MTMR11: variants seen among roughly 807,000 people sequenced by gnomAD.
MTMR11 encodes myotubularin-related protein 11.
Under a neutral mutation model 100.0 loss-of-function variants are expected in MTMR11, and 89 were observed. That is an observed-to-expected ratio of 0.89 (90% CI 0.75 to 1.06). MTMR11 has a LOEUF of 1.06. MTMR11 is among the 50% of genes least tolerant of loss of function. MTMR11 has a pLI of 0.00. For synonymous variants in MTMR11, 336 were observed against 326.3 expected, an observed-to-expected ratio of 1.03 and a Z score of -0.32; for missense variants, 809 against 873.7, an observed-to-expected ratio of 0.93 and a Z score of 0.93.
Position 149,936,593 on chromosome 1 carries a change from G to A in MTMR11, c.55C>T (p.Pro19Ser). 6.5e-7 allele frequency: 1 copy of A among 1,534,958 alleles called. No homozygotes were observed. Among genetic ancestry groups the A allele is most frequent in the Non-Finnish European group, 8.8e-7 (1 of 1,133,632 alleles). The change falls in exon 1 of 17, where the codon CCA becomes TCA. Residue 19 changes from proline to serine, a missense_variant. Pro to Ser is a moderately conservative substitution (Grantham distance 74). Transcript: ENST00000439741. ...SFNIAPQKEEPEMGSVQENRM... is the reference protein window; with the variant it reads ...SFNIAPQKEESEMGSVQENRM... Reference sequence around the variant, plus strand: ...TTCCTTCTCCTTACCCCCATCTCTGGCTCCTCCTTCTGGGGGGCAATGTTG... The same window carrying A: ...TTCCTTCTCCTTACCCCCATCTCTGACTCCTCCTTCTGGGGGGCAATGTTG...
At position 149,928,897 on chromosome 1, in the gene MTMR11, T is replaced by A. The variant is rs782254870; in HGVS notation, c.*232A>T. On this transcript the variant is annotated 3_prime_UTR_variant, in exon 17 of 17. Coordinates refer to ENST00000439741, the MANE Select transcript of MTMR11 (RefSeq NM_001145862.2). ...ATCTGGTTATCCAGAAGGGATGGGA[T>A]TGGCCTAAAAAAACCGATCAATTTC... 4 of 1,614,148 alleles carry A rather than the reference T, an allele frequency of 2.5e-6. No individual in the cohort carries two copies. Among genetic ancestry groups the A allele is most frequent in the Non-Finnish European group, 3.4e-6 (4 of 1,180,008 alleles).
intron 10 of MTMR11, among the ~76,000 whole-genome samples, chr1:149,933,056 T>C (rs988902570): frequency 1 from 151,298 of 151,302 alleles, 75,647 homozygotes; most frequent in Non-Finnish European, 1. Context: ...AAGCGATTCT[T>C]GTGCCTCAGC....
chr1:149,933,747 A>G, intron 8 of MTMR11, 49 bp from the exon 9 acceptor site: 1 of 1,611,944 alleles, frequency 6.2e-7, no homozygotes, highest in South Asian at 1.1e-5. Flanking sequence ...GCCTAGCTCC[A>G]CGCTACCCTT....
rs183984411 is a variant in MTMR11 at position 149,931,462 on chromosome 1, G to C, written c.1124-36C>G. The C allele has an allele frequency of 1.1e-4, 164 of 1,539,382 alleles. No homozygotes were observed. In the African/African-American group the frequency reaches 2.0e-3, roughly 19 times the overall value. On this transcript the variant is annotated intron_variant, in intron 12 of 16. Coordinates refer to ENST00000439741, the MANE Select transcript of MTMR11 (RefSeq NM_001145862.2). ...AAGAGGAAGAAGGGACAAAGAAGAG[G>C]GGTCCAAGAAACTAGGGCAGAAGAG...
In MTMR11 at chr1:149,936,606, G is replaced by C. The variant is rs2092725970; in HGVS notation, c.42C>G (p.Pro14=). The change falls in exon 1 of 17, where the codon CCC becomes CCG. Residue 14 remains proline (P), a synonymous_variant. Coordinates refer to ENST00000439741, the MANE Select transcript of MTMR11 (RefSeq NM_001145862.2). ...CCCCCATCTCTGGCTCCTCCTTCTGGGGGGCAATGTTGAAACTCTGGCCCC... is the reference window on the plus strand; with the variant it reads ...CCCCCATCTCTGGCTCCTCCTTCTGCGGGGCAATGTTGAAACTCTGGCCCC... ...GGRGQSFNIA[P]QKEEPEMGSV... 1.9e-6 allele frequency: 3 copies of C among 1,541,566 alleles called. No homozygotes were observed. Among genetic ancestry groups the C allele is most frequent in the Non-Finnish European group, 2.6e-6 (3 of 1,139,032 alleles).
intron 10 of MTMR11, 128 bp downstream of exon 10, chr1:149,933,278 G>T (rs1357112737): frequency 1.5e-6 from 2 of 1,313,108 alleles, no homozygotes; most frequent in Non-Finnish European, 2.1e-6. Flanking sequence ...CAAGAAAAAA[G>T]AAAAGAAAAG....
In MTMR11 at chr1:149,929,967, T is replaced by A. The variant is rs143139919; in HGVS notation, c.1648-51A>T. On this transcript the variant is annotated intron_variant, in intron 15 of 16. Transcript: ENST00000439741. ...CAACAGAGAGACCAGATAACCCTAG[T>A]TTCCCCAATCTGGATCAGGACAGGG... 3.4e-4 allele frequency: 534 copies of A among 1,558,582 alleles called. 8 individuals are homozygous for A. The East Asian group carries it at 9.4e-3, about 28-fold the overall frequency.
intron 10 of MTMR11, among the ~76,000 whole-genome samples, chr1:149,933,144 C>T (rs887821477): frequency 1.1e-4 from 16 of 151,758 alleles, no homozygotes; most frequent in Non-Finnish European, 1.8e-4. Flanking sequence ...TTAGTAGAAA[C>T]GGGGTTTCAC....
rs781912886 is a variant in MTMR11 at position 149,929,262 on chromosome 1, T to C, written c.1997A>G (p.Gln666Arg). ...TGGTGTCCATTTCCGTAATAACTCC[T>C]GAAGATGGGATAGCTCATCCTGGAG... ...SGLQDELSHL[Q>R]ELLRKWTPRI... The change falls in exon 17 of 17, where the codon CAG becomes CGG. Residue 666 changes from glutamine to arginine, a missense_variant. Transcript: ENST00000439741. The C allele has an allele frequency of 5.0e-6, 8 of 1,614,164 alleles. No individual in the cohort carries two copies. The East Asian group carries it at 1.8e-4, about 36-fold the overall frequency.
rs1280039547 is a variant in MTMR11 at position 149,931,385 on chromosome 1, C to T, written c.1165G>A (p.Val389Ile). ...RDLNGLLSSL[V>I]QLLSAPEART... ...GCTTCGGGGGCTGAAAGCAGCTGGA[C>T]GAGTGAAGAGAGGAGGCCATTGAGA... Residue 389 changes from valine to isoleucine, a missense_variant, in exon 13 of 17, where the codon GTC becomes ATC. Transcript: ENST00000439741. 1.9e-6 allele frequency: 3 copies of T among 1,612,164 alleles called. No individual in the cohort carries two copies. The highest frequency in any genetic ancestry group is 2.2e-5 in the East Asian group (1 of 44,824).
intron 15 of MTMR11, 33 bp from the exon 16 acceptor site, chr1:149,929,949 G>A (rs781927502): frequency 2.5e-6 from 4 of 1,590,754 alleles, no homozygotes; most frequent in African/African-American, 1.4e-5. Flanking sequence ...TGGCAACAGA[G>A]AGACCAGATA....
intron 12 of MTMR11, 135 bp downstream of exon 12, chr1:149,931,809 G>A: frequency 1.3e-6 from 1 of 743,870 alleles, no homozygotes; most frequent in Non-Finnish European, 2.3e-6. Context: ...ACTGAAGGAT[G>A]AGAGTAGAGC....
At chr1:149,931,066 A>G in intron 13 of MTMR11, 101 bp from the exon 14 acceptor site, 2 of 1,370,056 alleles carry the variant, frequency 1.5e-6, no homozygotes, top group African/African-American at 1.5e-5. Context: ...GGGGGAACTT[A>G]TGGAAGTCAG....
chr1:149,929,079 T>C lies in MTMR11; in HGVS notation c.*50A>G. The stretch of plus-strand genomic sequence containing the variant: ...AGGGCTGAAGTGTGAAAGCTGAGGC[T>C]GCAAGTGCAGATACAAAAAAAAAAA... On this transcript the variant is annotated 3_prime_UTR_variant, in exon 17 of 17. Coordinates refer to ENST00000439741, the MANE Select transcript of MTMR11 (RefSeq NM_001145862.2). The C allele has an allele frequency of 1.3e-6, 2 of 1,560,068 alleles. No homozygotes were observed. Among genetic ancestry groups the C allele is most frequent in the Non-Finnish European group, 1.7e-6 (2 of 1,156,672 alleles).
rs139934471 is a variant in MTMR11, at chr1:149,929,819, G to A, written c.1745C>T (p.Pro582Leu). The change falls in exon 16 of 17, where the codon CCT becomes CTT. Residue 582 changes from proline to leucine, a missense_variant. Transcript: ENST00000439741. ...LNQLCPWRDS[P>L]SLLAVSSRWL... is the part of the protein sequence containing the mutation. Reference sequence around the variant, plus strand: ...ACGAGAAGAGACTGCCAGCAGGGAAGGACTGTCCCGCCAAGGACAGAGCTG... The same window carrying A: ...ACGAGAAGAGACTGCCAGCAGGGAAAGACTGTCCCGCCAAGGACAGAGCTG... 2.2e-5 allele frequency: 35 copies of A among 1,614,076 alleles called. No individual in the cohort carries two copies. In the East Asian group the frequency reaches 5.3e-4, roughly 25 times the overall value.
At position 149,936,469 on chromosome 1, in the gene MTMR11, T is replaced by C. The variant is rs372302945; in HGVS notation, c.66+113A>G. 7.1e-5 allele frequency: 93 copies of C among 1,306,478 alleles called. No homozygotes were observed. The East Asian group carries it at 1.8e-3, about 25-fold the overall frequency. 80.9% of individuals were successfully genotyped at this position (1,306,478 alleles called of 1,614,324 possible). On this transcript the variant is annotated intron_variant, in intron 1 of 16. Transcript: ENST00000439741. ...ACCAGGCTCCATCAGCAGAAGCTGA[T>C]AGACAGACACACCCTCCTCCTCCTC...
At position 149,936,153 on chromosome 1, in the gene MTMR11, C is replaced by G; in HGVS notation, c.142+1G>C. The G allele has an allele frequency of 6.2e-7, 1 of 1,613,490 alleles. No individual in the cohort carries two copies. Among genetic ancestry groups the G allele is most frequent in the Non-Finnish European group, 8.5e-7 (1 of 1,179,470 alleles). On this transcript the variant is annotated splice_donor_variant, in intron 2 of 16. Coordinates refer to ENST00000439741, the MANE Select transcript of MTMR11 (RefSeq NM_001145862.2). LOFTEE classifies it high-confidence loss of function. ...TTTGGAGAGTGATAGGGCATTATTA[C>G]CTGGGAGGCATCTGGAGGCCAGGCA...
Position 149,930,491 on chromosome 1 carries a change from G to A in MTMR11, c.1521C>T (p.Asn507=). The part of the protein sequence containing the change: ...TPGYSQPPAG[N]SFNLQLSVWD... The stretch of plus-strand genomic sequence containing the variant: ...AGACAGACAGCTGCAGGTTAAAAGA[G>A]TTCCCAGCTGGAGGCTGGGAGTATC... The change falls in exon 15 of 17, where the codon AAC becomes AAT. Residue 507 remains asparagine (N), a synonymous_variant. Coordinates refer to ENST00000439741, the MANE Select transcript of MTMR11 (RefSeq NM_001145862.2). 8 of 1,614,096 alleles carry A rather than the reference G, an allele frequency of 5.0e-6. No homozygotes were observed. Among genetic ancestry groups the A allele is most frequent in the Non-Finnish European group, 5.9e-6 (7 of 1,179,984 alleles).
At position 149,929,036 on chromosome 1, in the gene MTMR11, A is replaced by C. The variant is rs1038228031; in HGVS notation, c.*93T>G. 27 of 1,593,604 alleles carry C rather than the reference A, an allele frequency of 1.7e-5. No homozygotes were observed. Among genetic ancestry groups the C allele is most frequent in the Non-Finnish European group, 2.3e-5 (27 of 1,168,984 alleles). On this transcript the variant is annotated 3_prime_UTR_variant, in exon 17 of 17. Coordinates refer to ENST00000439741, the MANE Select transcript of MTMR11 (RefSeq NM_001145862.2). Reference sequence around the variant, plus strand: ...ACCACTATCTGCAGCAGAAACTCAGACCTTCTTAGTGAACTTAAGGGCTGA... The same window carrying C: ...ACCACTATCTGCAGCAGAAACTCAGCCCTTCTTAGTGAACTTAAGGGCTGA...
Sources: allele counts gnomAD v4.1 joint callset (sites outside exome capture counted in the v4.1 genomes callset), GRCh38; gene constraint gnomAD v4.1.1; transcripts MANE v1.5; gene names NCBI Gene and HGNC (gene_info 2026-07-23, HGNC 2026-07-21).